CDNF: variants seen among roughly 807,000 people sequenced by gnomAD.
CDNF encodes cerebral dopamine neurotrophic factor, also known as ARMET-like protein 1.
CDNF carries 9 observed loss-of-function variants against 14.8 expected under a neutral mutation model. The observed-to-expected ratio is 0.61, with a 90% CI of 0.37 to 1.06. The LOEUF is 1.06. Among genes scored for constraint, CDNF ranks in the 50% least tolerant of loss-of-function variants. CDNF has a pLI of 0.01. For missense variants in CDNF, 228 were observed against 228.4 expected (o/e 1.00, Z 0.01); for synonymous variants, 86 against 87.2 (o/e 0.99, Z 0.07).
In CDNF at chr10:14,837,998, A is replaced by G. The variant is rs750828666; in HGVS notation, c.-52T>C. The G allele has an allele frequency of 1.5e-6, 2 of 1,358,044 alleles. No homozygotes were observed. Among genetic ancestry groups the G allele is most frequent in the Non-Finnish European group, 2.0e-6 (2 of 977,716 alleles). The allele number at this position is 1,358,044 out of a possible 1,614,324, so 84.1% of individuals were successfully genotyped here. Reference sequence around the variant, plus strand: ...CGCCACCCGCGCCCACCGCCCACCAAGCTGCCAAAGCGAGCTGAGCAGAAT... The same window carrying G: ...CGCCACCCGCGCCCACCGCCCACCAGGCTGCCAAAGCGAGCTGAGCAGAAT... On this transcript the variant is annotated 5_prime_UTR_variant, in exon 1 of 4. Coordinates refer to ENST00000465530, the MANE Select transcript of CDNF (RefSeq NM_001029954.3).
At chr10:14,836,721 C>T (rs1833891342) in intron 1 of CDNF, among the ~76,000 whole-genome samples, 1 of 152,134 alleles carries the variant, frequency 6.6e-6, no homozygotes, top group South Asian at 2.1e-4. Context: ...CACCTGAGGC[C>T]AGGAGTTCAA....
intron 1 of CDNF, among the ~76,000 whole-genome samples, chr10:14,834,713 G>C (rs907790283): frequency 6.6e-6 from 1 of 152,168 alleles, no homozygotes; most frequent in Non-Finnish European, 1.5e-5. Context: ...TTTCAGAGGA[G>C]ACCAAAACAA....
chr10:14,822,891 T>C (rs1297005932), intron 3 of CDNF, among the ~76,000 whole-genome samples: 4 of 152,244 alleles, frequency 2.6e-5, no homozygotes, highest in African/African-American at 9.6e-5. Context: ...CTTAAATTTT[T>C]ATAGTGATTC....
chr10:14,837,276 G>C (rs1029013903), intron 1 of CDNF, among the ~76,000 whole-genome samples: 1 of 152,190 alleles, frequency 6.6e-6, no homozygotes, highest in South Asian at 2.1e-4. Flanking sequence ...CGAGTTCACA[G>C]CTGAGATACC....
At position 14,819,967 on chromosome 10, in the gene CDNF, C is replaced by T. The variant is rs1833723280; in HGVS notation, c.*13G>A. 1.2e-6 allele frequency: 2 copies of T among 1,607,956 alleles called. No individual in the cohort carries two copies. Among genetic ancestry groups the T allele is most frequent in the Non-Finnish European group, 8.5e-7 (1 of 1,177,326 alleles). Reference sequence around the variant, plus strand: ...TCTCTAATTACAAGTCACAAATGTGCTGGCATTGGAGATCAGAGCTCTGTT... The same window carrying T: ...TCTCTAATTACAAGTCACAAATGTGTTGGCATTGGAGATCAGAGCTCTGTT... On this transcript the variant is annotated 3_prime_UTR_variant, in exon 4 of 4. Coordinates refer to ENST00000465530, the MANE Select transcript of CDNF (RefSeq NM_001029954.3).
chr10:14,825,291 G>A (rs1001353175), intron 3 of CDNF, among the ~76,000 whole-genome samples, 188 bp downstream of exon 3: 21 of 152,068 alleles, frequency 1.4e-4, no homozygotes, highest in African/African-American at 5.1e-4. Context: ...GATTATGCCT[G>A]TACTATTTAT....
At chr10:14,831,157 G>C (rs1156295604) in intron 1 of CDNF, among the ~76,000 whole-genome samples, 1 of 152,092 alleles carries the variant, frequency 6.6e-6, no homozygotes, top group Non-Finnish European at 1.5e-5. Flanking sequence ...GGTCTTTGGG[G>C]CCCTGAATTA....
chr10:14,826,095 A>AAGCAGCAGC (rs71505046), intron 2 of CDNF, among the ~76,000 whole-genome samples: 1 of 87,542 alleles, frequency 1.1e-5, no homozygotes, highest in Admixed American at 1.1e-4. Flanking sequence ...GAAGAAGAAG[A>AAGCAGCAGC]AGCAGCAGCA....
At chr10:14,827,874 A>G (rs933555991) in intron 2 of CDNF, among the ~76,000 whole-genome samples, 9 of 152,270 alleles carry the variant, frequency 5.9e-5, no homozygotes, top group Admixed American at 4.6e-4. Context: ...CCTGGGCAAC[A>G]GAGCAAGACT....
At chr10:14,831,122 G>T (rs1833840313) in intron 1 of CDNF, among the ~76,000 whole-genome samples, 1 of 152,156 alleles carries the variant, frequency 6.6e-6, no homozygotes, top group Non-Finnish European at 1.5e-5. Context: ...GTTACTTTCA[G>T]TTCACCCTTT....
chr10:14,827,052 CAAAAAA>C lies in CDNF; in HGVS notation c.243+1087_243+1092del, dbSNP rs34308438. Among the ~76,000 whole-genome samples, 67 of 74,646 alleles carry C rather than the reference CAAAAAA, an allele frequency of 9.0e-4. No homozygotes were observed. The East Asian group carries it at 0.014, about 15-fold the overall frequency. 49.0% of individuals were successfully genotyped at this position (74,646 alleles called of 152,430 possible). On this transcript the variant is annotated intron_variant, in intron 2 of 3. Coordinates refer to ENST00000465530, the MANE Select transcript of CDNF (RefSeq NM_001029954.3). Reference sequence around the variant, plus strand: ...GCTACAAGGCCAAACCCCGTCTCTACAAAAAAAAAAAAAAAAAAAAAAAAATCCAAA... The same window carrying C: ...GCTACAAGGCCAAACCCCGTCTCTACAAAAAAAAAAAAAAAAAAATCCAAA...
chr10:14,821,594 AC>A (rs1352293147), intron 3 of CDNF, among the ~76,000 whole-genome samples: 4 of 152,126 alleles, frequency 2.6e-5, no homozygotes, highest in African/African-American at 9.7e-5. Flanking sequence ...TGGTCCCAGA[AC>A]CCCTCCTGCA....
At chr10:14,830,397 G>A (rs1316333050) in intron 1 of CDNF, among the ~76,000 whole-genome samples, 1 of 152,182 alleles carries the variant, frequency 6.6e-6, no homozygotes, top group Non-Finnish European at 1.5e-5. Flanking sequence ...CTGCAGGGGT[G>A]TGCCTCTTCT....
intron 2 of CDNF, among the ~76,000 whole-genome samples, chr10:14,826,205 G>T (rs1179021342): frequency 1.3e-5 from 2 of 151,528 alleles, no homozygotes; most frequent in East Asian, 1.9e-4. Context: ...AGAAGAAGAA[G>T]AAGAAGAAGA....
chr10:14,835,306 G>C (rs1244382833), intron 1 of CDNF, among the ~76,000 whole-genome samples: 2 of 152,058 alleles, frequency 1.3e-5, no homozygotes, highest in African/African-American at 4.8e-5. Context: ...GAAGAGAGCA[G>C]AACCCTGGAA....
At chr10:14,832,910 A>AGT (rs1833855956) in intron 1 of CDNF, among the ~76,000 whole-genome samples, 1 of 121,648 alleles carries the variant, frequency 8.2e-6, no homozygotes, top group South Asian at 2.6e-4. Flanking sequence ...CCCAGGCTGG[A>AGT]GTGCAGCGGT....
chr10:14,837,856 C>T lies in CDNF; in HGVS notation c.91G>A (p.Gly31Arg), dbSNP rs1419453486. ...CCTTCACAGTCGGCCCCTGGCCGCC[C>T]CCCGGCCTCCTGGCCCTGCGTCAGC... ...PVLTQGQEAGGRPGADCEVCK... is the reference protein window; with the variant it reads ...PVLTQGQEAGRRPGADCEVCK... The change falls in exon 1 of 4, where the codon GGG (glycine) becomes AGG (arginine). Residue 31 changes from glycine (G) to arginine (R), a missense_variant. Gly to Arg is a moderately radical substitution (Grantham distance 125). Coordinates refer to ENST00000465530, the MANE Select transcript of CDNF (RefSeq NM_001029954.3). 4 of 1,599,718 alleles carry T rather than the reference C, an allele frequency of 2.5e-6. 1 individual carries two copies. The South Asian group carries it at 3.4e-5, about 13-fold the overall frequency.
intron 2 of CDNF, among the ~76,000 whole-genome samples, chr10:14,826,600 G>C (rs1275309253): frequency 6.6e-6 from 1 of 152,180 alleles, no homozygotes; most frequent in Admixed American, 6.5e-5. Context: ...CTCCATTCTC[G>C]TGATCATCCT....
chr10:14,830,572 A>G (rs1447106998), intron 1 of CDNF, among the ~76,000 whole-genome samples: 1 of 151,890 alleles, frequency 6.6e-6, no homozygotes, highest in Non-Finnish European at 1.5e-5. Flanking sequence ...CTGGCTGGGC[A>G]CGGTGGCTTA....
Sources: gnomAD v4.1 joint callset for allele counts (sites outside exome capture counted in the v4.1 genomes callset) on GRCh38, gnomAD v4.1.1 for gene constraint, MANE v1.5 for transcripts, NCBI Gene and HGNC (gene_info 2026-07-23, HGNC 2026-07-21) for gene names.